The following RAB38 variants were observed in gnomAD, a reference collection of about 807,000 sequenced individuals.
The protein encoded by RAB38 is ras-related protein Rab-38.
In RAB38, 15 loss-of-function variants were observed where a neutral mutation model predicts 18.4. The ratio of observed to expected loss-of-function variants is 0.82; its 90% CI spans 0.55 to 1.26. The LOEUF (loss-of-function observed/expected upper bound fraction) is 1.26. Ranked by LOEUF, RAB38 falls within the 50% of genes most tolerant of loss-of-function variation. The pLI, the probability that RAB38 is intolerant of heterozygous loss-of-function variation, is 0.00. For synonymous variants in RAB38, 101 were observed against 104.4 expected (o/e 0.97, Z 0.20); for missense variants, 294 against 267.4 (o/e 1.10, Z -0.69).
chr11:88,044,349 C>T, the RAB38 span, among the ~76,000 whole-genome samples: 1 of 152,064 alleles, frequency 6.6e-6, no homozygotes, highest in African/African-American at 2.4e-5. Flanking sequence ...CAAGCACCCC[C>T]CAACCCCTTC....
At chr11:87,903,723 G>T in the RAB38 span, among the ~76,000 whole-genome samples, 5 of 151,006 alleles carry the variant, frequency 3.3e-5, no homozygotes, top group African/African-American at 1.2e-4. Context: ...TCATAACTAT[G>T]AAATCATTTC....
At chr11:88,052,943 T>TC in the RAB38 span, among the ~76,000 whole-genome samples, 6 of 115,720 alleles carry the variant, frequency 5.2e-5, no homozygotes, top group African/African-American at 2.1e-4. Context: ...TATATATATA[T>TC]AAATTATATA....
the RAB38 span, chr11:87,815,639 C>CTCAG: frequency 6.6e-6 from 1 of 152,140 alleles, no homozygotes; most frequent in African/African-American, 2.4e-5. Context: ...GTAACGGTGA[C>CTCAG]TTTATCAACT....
the RAB38 span, among the ~76,000 whole-genome samples, chr11:88,023,961 A>C: frequency 1.3e-5 from 2 of 152,190 alleles, no homozygotes; most frequent in Non-Finnish European, 2.9e-5. Context: ...AACATTGAGG[A>C]AACTCTCCAG....
At chr11:87,823,382 C>T in the RAB38 span, among the ~76,000 whole-genome samples, 1 of 144,774 alleles carries the variant, frequency 6.9e-6, no homozygotes, top group African/African-American at 2.7e-5. Flanking sequence ...GTTAAAATCC[C>T]AGCATTTTTT....
chr11:87,874,212 G>A, the RAB38 span, among the ~76,000 whole-genome samples: 74 of 150,968 alleles, frequency 4.9e-4, no homozygotes, highest in African/African-American at 1.7e-3. Flanking sequence ...TCTAGAATCA[G>A]TTATTGCACA....
chr11:88,121,249 T>C (rs1033143670), intron 2 of RAB38, among the ~76,000 whole-genome samples: 6 of 152,226 alleles, frequency 3.9e-5, no homozygotes, highest in African/African-American at 1.4e-4. Context: ...TTTGTATTCC[T>C]AGATCCAAGC....
the RAB38 span, among the ~76,000 whole-genome samples, chr11:87,826,291 GCTTT>G: frequency 8.6e-5 from 13 of 151,996 alleles, no homozygotes; most frequent in African/African-American, 1.9e-4. Context: ...ATATTACATT[GCTTT>G]CTTTATTTTA....
the RAB38 span, among the ~76,000 whole-genome samples, chr11:88,099,420 A>T: frequency 8.6e-5 from 13 of 151,810 alleles, no homozygotes; most frequent in Admixed American, 8.5e-4. Flanking sequence ...GGTTTTCTTG[A>T]TGTGACACTC....
At chr11:88,154,705 A>G (rs1023318624) in intron 1 of RAB38, among the ~76,000 whole-genome samples, 1 of 152,208 alleles carries the variant, frequency 6.6e-6, no homozygotes, top group Non-Finnish European at 1.5e-5. Context: ...CAGCTGGAGC[A>G]GTAGTCTGAC....
chr11:88,065,874 A>G, the RAB38 span, among the ~76,000 whole-genome samples: 2 of 152,296 alleles, frequency 1.3e-5, no homozygotes, highest in African/African-American at 4.8e-5. Flanking sequence ...GTCCTTTTCA[A>G]ATTTAGATTT....
At chr11:87,917,236 G>C in the RAB38 span, among the ~76,000 whole-genome samples, 1 of 152,114 alleles carries the variant, frequency 6.6e-6, no homozygotes, top group African/African-American at 2.4e-5. Flanking sequence ...GTGGGGTATT[G>C]TGGGGGTCAC....
the RAB38 span, among the ~76,000 whole-genome samples, chr11:88,076,132 G>A: frequency 6.6e-6 from 1 of 151,502 alleles, no homozygotes; most frequent in Non-Finnish European, 1.5e-5. Context: ...AATGAGAAAA[G>A]AGATAGAAGA....
the RAB38 span, among the ~76,000 whole-genome samples, chr11:88,033,230 C>A: frequency 1.3e-5 from 2 of 151,046 alleles, no homozygotes; most frequent in African/African-American, 4.9e-5. Context: ...ACTGTTGTGG[C>A]GTGGGAGGAG....
the RAB38 span, among the ~76,000 whole-genome samples, chr11:88,037,242 C>CCA: frequency 6.6e-6 from 1 of 151,868 alleles, no homozygotes; most frequent in Non-Finnish European, 1.5e-5. Context: ...ATAGGTTTAC[C>CCA]TGTAATAATC....
the RAB38 span, among the ~76,000 whole-genome samples, chr11:88,018,074 G>T: frequency 1.3e-5 from 2 of 152,054 alleles, no homozygotes; most frequent in African/African-American, 4.8e-5. Flanking sequence ...AAAGAACTGT[G>T]AGTCCATTAC....
the RAB38 span, among the ~76,000 whole-genome samples, chr11:88,056,226 T>C: frequency 1.3e-5 from 2 of 152,184 alleles, no homozygotes; most frequent in Non-Finnish European, 2.9e-5. Context: ...TATGCCAGGC[T>C]GGATATTACA....
chr11:87,950,638 G>A, the RAB38 span, among the ~76,000 whole-genome samples: 11 of 151,866 alleles, frequency 7.2e-5, no homozygotes, highest in African/African-American at 1.9e-4. Flanking sequence ...TTCTCCTTCA[G>A]TTATGAAGCT....
At chr11:87,939,468 G>A in the RAB38 span, among the ~76,000 whole-genome samples, 1 of 151,728 alleles carries the variant, frequency 6.6e-6, no homozygotes, top group East Asian at 1.9e-4. Flanking sequence ...GCAACATAAA[G>A]ACTGTTTGAT....
Sources: gnomAD v4.1 joint callset for allele counts (sites outside exome capture counted in the v4.1 genomes callset) on GRCh38, gnomAD v4.1.1 for gene constraint, MANE v1.5 for transcripts, NCBI Gene and HGNC (gene_info 2026-07-23, HGNC 2026-07-21) for gene names.